Variants in ZNF536 observed in about 807,000 individuals in gnomAD.
ZNF536 encodes zinc finger protein 536.
In ZNF536, 13 loss-of-function variants were observed where a neutral mutation model predicts 84.5. The observed-to-expected ratio is 0.15, with a 90% CI of 0.10 to 0.24. The LOEUF is 0.24. ZNF536 is among the 10% of genes least tolerant of loss of function. ZNF536 has a pLI of 1.00. For synonymous variants in ZNF536, 811 were observed against 742.5 expected (o/e 1.09, Z -1.50); for missense variants, 1,536 against 1,747.5 (o/e 0.88, Z 2.16).
intron 1 of ZNF536, among the ~76,000 whole-genome samples, chr19:30,673,890 T>C (rs8110075): frequency 0.071 from 10,871 of 152,296 alleles, 858 homozygotes; most frequent in African/African-American, 0.19. Flanking sequence ...TATGTTGGGT[T>C]CTGTAGCGAG....
At chr19:30,626,702 C>G (rs542768027) in intron 1 of ZNF536, among the ~76,000 whole-genome samples, 10 of 152,310 alleles carry the variant, frequency 6.6e-5, no homozygotes, top group East Asian at 1.9e-4. Flanking sequence ...AAGCTCTCCC[C>G]CAACGTGCAG....
chr19:30,310,862 G>A (rs1448472750), intron 2 of ZNF536, among the ~76,000 whole-genome samples: 1 of 152,178 alleles, frequency 6.6e-6, no homozygotes, highest in African/African-American at 2.4e-5. Context: ...CGGATAATGG[G>A]CCACAGGGAC....
At chr19:30,322,672 G>A (rs2046896216) in intron 2 of ZNF536, among the ~76,000 whole-genome samples, 1 of 152,166 alleles carries the variant, frequency 6.6e-6, no homozygotes, top group Non-Finnish European at 1.5e-5. Flanking sequence ...AACAATGCAT[G>A]TTTTGGAGCT....
At chr19:30,291,061 A>G (rs553499472) in intron 2 of ZNF536, among the ~76,000 whole-genome samples, 35 of 152,290 alleles carry the variant, frequency 2.3e-4, no homozygotes, top group African/African-American at 8.2e-4. Context: ...GTGTATATGC[A>G]CCACATTTTC....
At chr19:30,428,064 G>A (rs909208678) in intron 1 of ZNF536, among the ~76,000 whole-genome samples, 2 of 152,188 alleles carry the variant, frequency 1.3e-5, no homozygotes, top group African/African-American at 4.8e-5. Flanking sequence ...GGGGGTGTTT[G>A]ACTTTTCCTT....
At chr19:30,672,545 C>T (rs2050597374) in intron 1 of ZNF536, among the ~76,000 whole-genome samples, 1 of 152,170 alleles carries the variant, frequency 6.6e-6, no homozygotes, top group South Asian at 2.1e-4. Flanking sequence ...GTCTGCAAAC[C>T]TCCATCTTCT....
rs538540955 is a variant in ZNF536 at position 30,550,219 on chromosome 19, G to T, written c.3895+705G>T. On this transcript the variant is annotated intron_variant, in intron 4 of 4. Coordinates refer to ENST00000355537, the MANE Select transcript of ZNF536 (RefSeq NM_014717.3). ...GTAGTGGTGTGACCCTGTGCATCTT[G>T]GATTCATGCTTGTCTGATCCTGTAG... 1.5e-3 allele frequency among the ~76,000 whole-genome samples: 224 copies of T among 152,290 alleles called. 1 individual carries two copies. The highest frequency in any genetic ancestry group is 5.2e-3 in the African/African-American group (216 of 41,560).
chr19:30,428,459 G>A (rs546713174), intron 1 of ZNF536, among the ~76,000 whole-genome samples: 6 of 152,320 alleles, frequency 3.9e-5, no homozygotes, highest in South Asian at 2.1e-4. Context: ...AAGCAGCAGC[G>A]AGTTTTCCTC....
At chr19:30,537,318 G>GT (rs2045126633) in intron 3 of ZNF536, among the ~76,000 whole-genome samples, 1 of 152,180 alleles carries the variant, frequency 6.6e-6, no homozygotes, top group African/African-American at 2.4e-5. Flanking sequence ...GGTTGGGCAG[G>GT]GTGGGGACCC....
intron 1 of ZNF536, among the ~76,000 whole-genome samples, chr19:30,256,519 C>A (rs116795184): frequency 0.015 from 2,264 of 152,184 alleles, 51 homozygotes; most frequent in African/African-American, 0.052. Flanking sequence ...ACATGATTAC[C>A]AATATAAAAC....
At chr19:30,596,208 A>C (rs1292810209) in intron 1 of ZNF536, among the ~76,000 whole-genome samples, 1 of 152,194 alleles carries the variant, frequency 6.6e-6, no homozygotes, top group Non-Finnish European at 1.5e-5. Flanking sequence ...AATGACAGCA[A>C]AAGGGCAGAG....
At chr19:30,413,618 C>A (rs368099043) in intron 1 of ZNF536, among the ~76,000 whole-genome samples, 1 of 152,080 alleles carries the variant, frequency 6.6e-6, no homozygotes, top group Admixed American at 6.5e-5. Flanking sequence ...TTTTTAAAGT[C>A]TAATTTCCTA....
chr19:30,422,856 A>ACCAT (rs756085321), intron 1 of ZNF536, among the ~76,000 whole-genome samples: 4,620 of 119,448 alleles, frequency 0.039, 186 homozygotes, highest in Middle Eastern at 0.086. Flanking sequence ...CATCCATCCA[A>ACCAT]CCATCCATCC....
chr19:30,556,868 C>CTCTT (rs1483741707), intron 4 of ZNF536: 5 of 354,074 alleles, frequency 1.4e-5, no homozygotes, highest in Non-Finnish European at 2.6e-5. Context: ...GGCAATCAAC[C>CTCTT]TCTTTGGTTT....
chr19:30,490,655 A>T (rs2054471997), intron 2 of ZNF536, among the ~76,000 whole-genome samples: 2 of 152,056 alleles, frequency 1.3e-5, no homozygotes, highest in Non-Finnish European at 2.9e-5. Context: ...ATAAGGCCCT[A>T]TTGTTATCCA....
intron 1 of ZNF536, among the ~76,000 whole-genome samples, chr19:30,382,656 C>T (rs1418615949): frequency 6.6e-6 from 1 of 151,716 alleles, no homozygotes; most frequent in African/African-American, 2.4e-5. Flanking sequence ...ACTAATGCAT[C>T]ACCCAGACAA....
intron 2 of ZNF536, among the ~76,000 whole-genome samples, chr19:30,305,029 C>A (rs1448543655): frequency 6.6e-6 from 1 of 152,168 alleles, no homozygotes; most frequent in Non-Finnish European, 1.5e-5. Flanking sequence ...GAATTAAGAG[C>A]CCAAGGGAGT....
At chr19:30,409,255 TAAATA>T (rs752378739) in intron 1 of ZNF536, among the ~76,000 whole-genome samples, 7 of 152,216 alleles carry the variant, frequency 4.6e-5, no homozygotes, top group Non-Finnish European at 1.0e-4. Flanking sequence ...AATGAATAAA[TAAATA>T]AAAGTCAGAG....
intron 1 of ZNF536, among the ~76,000 whole-genome samples, chr19:30,409,744 T>C (rs1293704394): frequency 6.6e-6 from 1 of 152,342 alleles, no homozygotes; most frequent in East Asian, 1.9e-4. Context: ...TTCCTTCAAG[T>C]CTGAATGTTA....
Sources: gnomAD v4.1 joint callset for allele counts (sites outside exome capture counted in the v4.1 genomes callset) on GRCh38, gnomAD v4.1.1 for gene constraint, MANE v1.5 for transcripts, NCBI Gene and HGNC (gene_info 2026-07-23, HGNC 2026-07-21) for gene names.